Variants in DROSHA observed in about 807,000 individuals in gnomAD.
DROSHA encodes ribonuclease 3.
DROSHA carries 56 observed loss-of-function variants against 181.9 expected under a neutral mutation model. The ratio of observed to expected loss-of-function variants is 0.31; its 90% CI spans 0.25 to 0.38. The LOEUF is 0.38. Among genes scored for constraint, DROSHA ranks in the 10% least tolerant of loss-of-function variants. The pLI is 1.00. For missense variants in DROSHA, 1,218 were observed against 1,743.5 expected, an observed-to-expected ratio of 0.70 and a Z score of 5.37; for synonymous variants, 524 against 591.2, an observed-to-expected ratio of 0.89 and a Z score of 1.65.
intron 30 of DROSHA, among the ~76,000 whole-genome samples, chr5:31,416,025 C>T (rs1741899633): frequency 6.6e-6 from 1 of 152,186 alleles, no homozygotes; most frequent in Non-Finnish European, 1.5e-5. Flanking sequence ...ACTTACAGAA[C>T]AGAATGTTTT....
chr5:31,446,214 A>G (rs1446622440), intron 23 of DROSHA, among the ~76,000 whole-genome samples: 1 of 152,262 alleles, frequency 6.6e-6, no homozygotes, highest in East Asian at 1.9e-4. Context: ...TGGGAGGCCA[A>G]GGCGGGCGGA....
At chr5:31,443,373 A>G (rs1745874588) in intron 23 of DROSHA, among the ~76,000 whole-genome samples, 1 of 152,090 alleles carries the variant, frequency 6.6e-6, no homozygotes, top group South Asian at 2.1e-4. Context: ...AAAAAATCAA[A>G]TCAAACCAAG....
rs965731296 is a variant in DROSHA, at chr5:31,485,335, G to A, written c.1915-373C>T. ...CCTGATAGGCTTGTCCCCCACCCCC[G>A]CCCCATACATCCAGCATAATTGTCA... On this transcript the variant is annotated intron_variant, in intron 14 of 35. Transcript: ENST00000344624. Among the ~76,000 whole-genome samples, 8 of 61,210 alleles carry A rather than the reference G, an allele frequency of 1.3e-4. No homozygotes were observed. In the South Asian group the frequency reaches 2.2e-3, roughly 17 times the overall value. The allele number at this position is 61,210 out of a possible 152,430, so 40.2% of individuals were successfully genotyped here.
intron 20 of DROSHA, among the ~76,000 whole-genome samples, chr5:31,460,395 T>G (rs1386842400): frequency 1.3e-5 from 2 of 152,208 alleles, no homozygotes; most frequent in Non-Finnish European, 2.9e-5. Flanking sequence ...TCTAATCTCC[T>G]AACAATCCTT....
rs1470072825 is a variant in DROSHA at position 31,493,936 on chromosome 5, ATTGTGTGT to A, written c.1756-651_1756-644del. Among the ~76,000 whole-genome samples, 25 of 127,710 alleles carry A rather than the reference ATTGTGTGT, an allele frequency of 2.0e-4. 1 individual carries two copies. The highest frequency in any genetic ancestry group is 4.0e-3 in the Middle Eastern group (1 of 252). The allele number at this position is 127,710 out of a possible 152,430, so 83.8% of individuals were successfully genotyped here. ...CCTTATGCCATTCTTATAACCCACC[ATTGTGTGT>A]GTGTGTGTGTGTGTGTGTGTGTGTG... is the stretch of plus-strand genomic sequence containing the variant. On this transcript the variant is annotated intron_variant, in intron 12 of 35. Coordinates refer to ENST00000344624, the MANE Select transcript of DROSHA (RefSeq NM_001382508.1).
chr5:31,523,045 A>G (rs1188932658), intron 5 of DROSHA, among the ~76,000 whole-genome samples: 1 of 152,244 alleles, frequency 6.6e-6, no homozygotes, highest in African/African-American at 2.4e-5. Flanking sequence ...GGGCAACAAG[A>G]AAACAGACTA....
rs534688013 is a variant in DROSHA, at chr5:31,452,312, C to A, written c.2575-672G>T. Among the ~76,000 whole-genome samples the A allele has an allele frequency of 6.6e-5, 10 of 152,310 alleles. No individual in the cohort carries two copies. The South Asian group carries it at 1.9e-3, about 28-fold the overall frequency. Reference sequence around the variant, plus strand: ...CGACTATCCTTGAAGAGCTTCTCAACCAGATATGCCACCCTAAGTTTGACA... The same window carrying A: ...CGACTATCCTTGAAGAGCTTCTCAAACAGATATGCCACCCTAAGTTTGACA... On this transcript the variant is annotated intron_variant, in intron 20 of 35. Coordinates refer to ENST00000344624, the MANE Select transcript of DROSHA (RefSeq NM_001382508.1).
rs1738298413 is a variant in DROSHA, at chr5:31,508,772, C to T, written c.1436G>A (p.Ser479Asn). The change falls in exon 10 of 36, where the codon AGT becomes AAT. Residue 479 changes from serine to asparagine, a missense_variant. Ser to Asn is a conservative substitution (Grantham distance 46, BLOSUM62 1). Transcript: ENST00000344624. ...PKTKLDEDLE[S>N]SSESECESDE... ...AGACTCACACTCGGATTCACTGGAA[C>T]TCTCTAACAGGGGTTGGGAGAAAAA... is the stretch of plus-strand genomic sequence containing the variant. 3 of 1,613,476 alleles carry T rather than the reference C, an allele frequency of 1.9e-6. No homozygotes were observed.
chr5:31,524,034 A>C (rs532356310), intron 5 of DROSHA, among the ~76,000 whole-genome samples: 1 of 151,926 alleles, frequency 6.6e-6, no homozygotes, highest in East Asian at 1.9e-4. Context: ...TGCCTTTGCC[A>C]ACTAGTCCAT....
chr5:31,497,480 C>A (rs373243043), intron 11 of DROSHA, among the ~76,000 whole-genome samples: 4 of 152,220 alleles, frequency 2.6e-5, no homozygotes, highest in Admixed American at 6.5e-5. Flanking sequence ...GCCTGTCCCC[C>A]CTTACTATGG....
intron 6 of DROSHA, among the ~76,000 whole-genome samples, chr5:31,520,891 G>A (rs962937399): frequency 6.6e-6 from 1 of 152,098 alleles, no homozygotes; most frequent in Non-Finnish European, 1.5e-5. Context: ...GTCAGAAAAA[G>A]TGGTCTGTAT....
At chr5:31,516,589 G>A (rs569400922) in intron 6 of DROSHA, among the ~76,000 whole-genome samples, 33 of 152,190 alleles carry the variant, frequency 2.2e-4, no homozygotes, top group African/African-American at 1.4e-4. Context: ...ATTACAATAC[G>A]CATCATTAGT....
At chr5:31,485,133 A>C (rs1227976958) in intron 14 of DROSHA, among the ~76,000 whole-genome samples, 171 bp from the exon 15 acceptor site, 1 of 152,240 alleles carries the variant, frequency 6.6e-6, no homozygotes. Context: ...TGGAAATGAA[A>C]TAGACAATAA....
chr5:31,530,518 G>A (rs1741157111), intron 3 of DROSHA, among the ~76,000 whole-genome samples: 1 of 150,336 alleles, frequency 6.7e-6, no homozygotes, highest in Admixed American at 6.7e-5. Flanking sequence ...GAACCAGCTA[G>A]TTCTTTGCTC....
At position 31,521,095 on chromosome 5, in the gene DROSHA, C is replaced by T. The variant is rs748720668; in HGVS notation, c.947+28G>A. On this transcript the variant is annotated intron_variant, in intron 6 of 35. Transcript: ENST00000344624. ...TGAATTCAAGGAGATAATCCTATGACTTCTTTCAGTGTCAACTCCTTGCTT... is the reference window on the plus strand; with the variant it reads ...TGAATTCAAGGAGATAATCCTATGATTTCTTTCAGTGTCAACTCCTTGCTT... The T allele has an allele frequency of 1.6e-5, 25 of 1,608,946 alleles. No individual in the cohort carries two copies. In the South Asian group the frequency reaches 2.6e-4, roughly 17 times the overall value.
At chr5:31,518,313 T>A (rs928933205) in intron 6 of DROSHA, among the ~76,000 whole-genome samples, 1 of 152,260 alleles carries the variant, frequency 6.6e-6, no homozygotes, top group Non-Finnish European at 1.5e-5. Context: ...TACGTGACTA[T>A]ATTGTGAAGA....
chr5:31,426,693 T>TA (rs903006723), intron 27 of DROSHA, among the ~76,000 whole-genome samples: 5 of 152,100 alleles, frequency 3.3e-5, no homozygotes, highest in African/African-American at 1.2e-4. Context: ...AAAGAGGGAT[T>TA]AAAAAAACGG....
Position 31,467,960 on chromosome 5 carries a change from A to T in DROSHA, c.2345T>A (p.Leu782Ter), listed in dbSNP as rs370301677. 6.2e-6 allele frequency: 10 copies of T among 1,611,598 alleles called. No individual in the cohort carries two copies. The African/African-American group carries it at 1.3e-4, about 22-fold the overall frequency. ...TTACTGTGGGTCTCCTGCATAACTCAACTGTGCAGGGCGTATCCCAAAGTG... is the reference window on the plus strand; with the variant it reads ...TTACTGTGGGTCTCCTGCATAACTCTACTGTGCAGGGCGTATCCCAAAGTG... ...IVHFGIRPAQ[L>*]SYAGDPQYQK... is the part of the protein sequence containing the mutation. Residue 782 changes from leucine to a stop codon, truncating the protein, a stop_gained, in exon 18 of 36, where the codon TTG becomes TAG. Transcript: ENST00000344624. LOFTEE classifies it high-confidence loss of function.
intron 6 of DROSHA, among the ~76,000 whole-genome samples, chr5:31,519,797 A>G (rs560535905): frequency 6.6e-6 from 1 of 152,360 alleles, no homozygotes; most frequent in South Asian, 2.1e-4. Flanking sequence ...GTAAGTACTG[A>G]GATAACCCTA....
Sources: allele counts gnomAD v4.1 joint callset (sites outside exome capture counted in the v4.1 genomes callset), GRCh38; gene constraint gnomAD v4.1.1; transcripts MANE v1.5; gene names NCBI Gene and HGNC (gene_info 2026-07-23, HGNC 2026-07-21).